The following TENM2 variants were observed in gnomAD, a reference collection of about 807,000 sequenced individuals.
TENM2 encodes the protein teneurin-2.
Under a neutral mutation model 245.2 loss-of-function variants are expected in TENM2, and 52 were observed. The observed-to-expected ratio is 0.21, with a 90% CI of 0.17 to 0.27. The LOEUF (loss-of-function observed/expected upper bound fraction) is 0.27, where lower values mean the gene tolerates loss of function less well. Among genes scored for constraint, TENM2 ranks in the 10% least tolerant of loss-of-function variants. The probability of loss-of-function intolerance (pLI) is 1.00; values close to 1 mark genes in which losing one functional copy is unlikely to be tolerated. For synonymous variants in TENM2, 1,363 were observed against 1,438.9 expected (o/e 0.95, Z 1.19); for missense variants, 3,046 against 3,666.8 (o/e 0.83, Z 4.37).
the TENM2 span, among the ~76,000 whole-genome samples, chr5:167,178,782 A>G: frequency 6.6e-6 from 1 of 152,196 alleles, no homozygotes; most frequent in Non-Finnish European, 1.5e-5. Flanking sequence ...AACAGAGGGA[A>G]AAGAGTCACA....
At chr5:167,445,340 G>T (rs921775512) in intron 2 of TENM2, among the ~76,000 whole-genome samples, 193 of 101,840 alleles carry the variant, frequency 1.9e-3, no homozygotes, top group African/African-American at 4.5e-3. Flanking sequence ...TATATATAGA[G>T]AGAGAGAGAG....
chr5:167,666,511 A>G (rs1044828624), intron 2 of TENM2, among the ~76,000 whole-genome samples: 2 of 152,190 alleles, frequency 1.3e-5, no homozygotes, highest in African/African-American at 4.8e-5. Flanking sequence ...ACATTATTAC[A>G]TGTGCTAAGT....
At chr5:168,105,390 T>C (rs1794160570) in intron 9 of TENM2, among the ~76,000 whole-genome samples, 2 of 152,134 alleles carry the variant, frequency 1.3e-5, no homozygotes, top group Non-Finnish European at 2.9e-5. Flanking sequence ...GGTATTTTAC[T>C]GGTGCATTTG....
intron 3 of TENM2, among the ~76,000 whole-genome samples, chr5:167,897,831 G>A (rs948652813): frequency 3.3e-4 from 49 of 150,606 alleles, no homozygotes; most frequent in Admixed American, 4.0e-4. Context: ...TGGAGAGAAC[G>A]AAACAGAGAA....
intron 12 of TENM2, among the ~76,000 whole-genome samples, chr5:168,152,051 C>T (rs755855141): frequency 6.6e-6 from 1 of 152,198 alleles, no homozygotes; most frequent in Non-Finnish European, 1.5e-5. Context: ...CCACCATGAA[C>T]CCACCCTGCT....
intron 13 of TENM2, among the ~76,000 whole-genome samples, chr5:168,184,795 T>C (rs1463831601): frequency 1.3e-5 from 2 of 152,204 alleles, no homozygotes; most frequent in African/African-American, 2.4e-5. Flanking sequence ...AAGCGTTTAA[T>C]GGAGGCTTTG....
At chr5:167,072,001 A>G in the TENM2 span, among the ~76,000 whole-genome samples, 2 of 150,850 alleles carry the variant, frequency 1.3e-5, no homozygotes, top group South Asian at 2.1e-4. Context: ...GGTTGGGAAG[A>G]TGCAGCCATC....
rs1561946193 is a variant in TENM2 at position 167,929,122 on chromosome 5, AAAGAAAGAAAAGAAAGAAGGG to A, written c.713-23464_713-23444del. On this transcript the variant is annotated intron_variant, in intron 3 of 28. Coordinates refer to ENST00000518659, the Ensembl canonical transcript of TENM2. ...GAAAGAAAGAAAGAAAGAAAGAAAG[AAAGAAAGAAAAGAAAGAAGGG>A]AGGGAGGGAGGGAAGGAAGGAAAGA... is the stretch of plus-strand genomic sequence containing the variant. Among the ~76,000 whole-genome samples the A allele has an allele frequency of 6.2e-5, 7 of 113,556 alleles. 1 individual carries two copies. In the South Asian group the frequency reaches 1.2e-3, roughly 20 times the overall value. The allele number at this position is 113,556 out of a possible 152,430, so 74.5% of individuals were successfully genotyped here.
At chr5:167,809,836 C>A (rs77427962) in intron 2 of TENM2, among the ~76,000 whole-genome samples, 2,395 of 152,136 alleles carry the variant, frequency 0.016, 54 homozygotes, top group East Asian at 0.11. Context: ...GATAGAAAAA[C>A]AGAATTCCAA....
the TENM2 span, among the ~76,000 whole-genome samples, chr5:167,051,639 C>T: frequency 3.3e-5 from 5 of 152,170 alleles, no homozygotes; most frequent in South Asian, 4.1e-4. Flanking sequence ...TTGCTCACGA[C>T]GTATTCTACA....
intron 2 of TENM2, among the ~76,000 whole-genome samples, chr5:167,752,637 G>A (rs1403419618): frequency 1.3e-5 from 2 of 152,176 alleles, no homozygotes; most frequent in Non-Finnish European, 2.9e-5. Flanking sequence ...AGCTGGTCAT[G>A]TTGGGAGTCA....
At position 167,585,297 on chromosome 5, in the gene TENM2, A is replaced by G. The variant is rs1449810075; in HGVS notation, c.502+209824A>G. Among the ~76,000 whole-genome samples the G allele has an allele frequency of 2.0e-5, 3 of 152,294 alleles. No homozygotes were observed. The East Asian group carries it at 5.8e-4, about 29-fold the overall frequency. On this transcript the variant is annotated intron_variant, in intron 2 of 28. Coordinates refer to ENST00000518659, the Ensembl canonical transcript of TENM2. ...GATCATGTAATTTATGATGAAAAGT[A>G]CACTTGTTTGGAGGGTAGTCTAAAA...
intron 3 of TENM2, among the ~76,000 whole-genome samples, chr5:167,882,368 C>A (rs972299818): frequency 2.0e-5 from 3 of 152,154 alleles, no homozygotes; most frequent in African/African-American, 7.2e-5. Flanking sequence ...GTCTTGGAAC[C>A]ATTAATGTAG....
At chr5:167,361,972 A>G (rs1759743285) in intron 1 of TENM2, among the ~76,000 whole-genome samples, 1 of 152,190 alleles carries the variant, frequency 6.6e-6, no homozygotes, top group Admixed American at 6.6e-5. Context: ...CTGTGATGAC[A>G]TAAGAATTTT....
At chr5:167,927,628 C>T (rs1319147844) in intron 3 of TENM2, among the ~76,000 whole-genome samples, 3 of 152,080 alleles carry the variant, frequency 2.0e-5, no homozygotes, top group Non-Finnish European at 2.9e-5. Context: ...GGTTTGCATT[C>T]GAAGAAAGCA....
At chr5:167,849,746 T>C (rs1770397049) in intron 2 of TENM2, among the ~76,000 whole-genome samples, 1 of 152,166 alleles carries the variant, frequency 6.6e-6, no homozygotes, top group South Asian at 2.1e-4. Context: ...GGAAATATTT[T>C]ACCTACATTT....
chr5:167,312,556 A>G (rs1756100012), intron 1 of TENM2, among the ~76,000 whole-genome samples: 1 of 152,158 alleles, frequency 6.6e-6, no homozygotes, highest in South Asian at 2.1e-4. Flanking sequence ...CCTATACAAC[A>G]AATCATTCCT....
At chr5:167,303,810 A>G (rs755739866) in intron 1 of TENM2, among the ~76,000 whole-genome samples, 7 of 152,130 alleles carry the variant, frequency 4.6e-5, no homozygotes, top group Non-Finnish European at 8.8e-5. Flanking sequence ...GTTGTCAACT[A>G]TGCGTCATGG....
the TENM2 span, among the ~76,000 whole-genome samples, chr5:166,992,239 T>G: frequency 6.6e-6 from 1 of 152,188 alleles, no homozygotes; most frequent in Admixed American, 6.5e-5. Context: ...GTCCAAATTC[T>G]ACTTCTTATT....
Sources: allele counts gnomAD v4.1 joint callset (sites outside exome capture counted in the v4.1 genomes callset), GRCh38; gene constraint gnomAD v4.1.1; transcripts MANE v1.5; gene names NCBI Gene and HGNC (gene_info 2026-07-23, HGNC 2026-07-21).